Variants in PRPF6 observed in about 807,000 individuals in gnomAD.
The protein encoded by PRPF6 is pre-mRNA processing factor 6, also known as pre-mRNA-processing factor 6.
Under a neutral mutation model 118.3 loss-of-function variants are expected in PRPF6, and 42 were observed. That is an observed-to-expected ratio of 0.35 (90% CI 0.28 to 0.46). The LOEUF is 0.46. PRPF6 is among the 20% of genes least tolerant of loss of function. The pLI, the probability that PRPF6 is intolerant of heterozygous loss-of-function variation, is 1.00. For synonymous variants in PRPF6, 481 were observed against 485.1 expected (o/e 0.99, Z 0.11); for missense variants, 662 against 1,255.7 (o/e 0.53, Z 7.15).
At chr20:63,993,222 A>C (rs1239763443) in intron 3 of PRPF6, among the ~76,000 whole-genome samples, 185 bp from the exon 4 acceptor site, 6 of 122,190 alleles carry the variant, frequency 4.9e-5, no homozygotes, top group South Asian at 3.1e-4. Context: ...TCTCAAAAAA[A>C]AAAATGTGTG....
At position 64,027,070 on chromosome 20, in the gene PRPF6, A is replaced by C. The variant is rs1349676454; in HGVS notation, c.2117A>C (p.Glu706Ala). The C allele has an allele frequency of 1.2e-6, 2 of 1,613,960 alleles. No homozygotes were observed. The part of the protein sequence containing the change: ...DLCEEALRHY[E>A]DFPKLWMMKG... ...TGCGAGGAGGCCCTGCGGCACTATG[A>C]GGACTTCCCCAAGCTGTGGATGATG... The change falls in exon 16 of 21, where the codon GAG becomes GCG. Residue 706 changes from glutamate (E) to alanine (A), a missense_variant. Physicochemically the swap from Glu to Ala is moderately radical, Grantham distance 107 (BLOSUM62 -1). Coordinates refer to ENST00000266079, the MANE Select transcript of PRPF6 (RefSeq NM_012469.4). The surrounding 1 kb of genome is among the most constrained non-coding windows in gnomAD (Gnocchi z 6.5).
At chr20:64,016,389 G>GACCACAC (rs1466168049) in intron 11 of PRPF6, among the ~76,000 whole-genome samples, 1 of 152,120 alleles carries the variant, frequency 6.6e-6, no homozygotes, top group Non-Finnish European at 1.5e-5. Flanking sequence ...CTCCCAAAGT[G>GACCACAC]CTGGGATTAC....
At chr20:64,018,192 T>C (rs1419079593) in intron 12 of PRPF6, among the ~76,000 whole-genome samples, 1 of 152,028 alleles carries the variant, frequency 6.6e-6, no homozygotes, top group Non-Finnish European at 1.5e-5. Context: ...AGACCCTATC[T>C]CAAAAAAAGA....
In PRPF6 at chr20:64,027,374, A is replaced by G. The variant is rs1007522028; in HGVS notation, c.2205+216A>G. 2.6e-5 allele frequency among the ~76,000 whole-genome samples: 4 copies of G among 152,078 alleles called. No homozygotes were observed. Among genetic ancestry groups the G allele is most frequent in the Non-Finnish European group, 5.9e-5 (4 of 68,002 alleles). On this transcript the variant is annotated intron_variant, in intron 16 of 20. Coordinates refer to ENST00000266079, the MANE Select transcript of PRPF6 (RefSeq NM_012469.4). The surrounding 1 kb of genome is among the most constrained non-coding windows in gnomAD (Gnocchi z 6.5). The stretch of plus-strand genomic sequence containing the variant: ...CTGCACACACTGCTCAGAAGTGCAG[A>G]GTGTGGCACACCTGCAGTAAAGGCT...
intron 11 of PRPF6, among the ~76,000 whole-genome samples, chr20:64,013,704 T>G (rs1018310738): frequency 6.6e-6 from 1 of 152,088 alleles, no homozygotes; most frequent in Non-Finnish European, 1.5e-5. Context: ...CCTCCCAAAG[T>G]GTTGAGATTA....
At chr20:64,025,805 G>T (rs920644607) in intron 14 of PRPF6, 134 bp from the exon 15 acceptor site, 2 of 1,516,804 alleles carry the variant, frequency 1.3e-6, no homozygotes, top group East Asian at 4.5e-5. Flanking sequence ...TCCCTGGGAA[G>T]GGCTTGGACC....
Position 64,028,654 on chromosome 20 carries a change from G to T in PRPF6, c.2431+85G>T. The T allele has an allele frequency of 6.7e-7, 1 of 1,485,068 alleles. No individual in the cohort carries two copies. Among genetic ancestry groups the T allele is most frequent in the Non-Finnish European group, 9.2e-7 (1 of 1,084,478 alleles). The allele number at this position is 1,485,068 out of a possible 1,614,324, so 92.0% of individuals were successfully genotyped here. On this transcript the variant is annotated intron_variant, in intron 18 of 20. Coordinates refer to ENST00000266079, the MANE Select transcript of PRPF6 (RefSeq NM_012469.4). The surrounding 1 kb of genome is among the most constrained non-coding windows in gnomAD (Gnocchi z 6.5). ...GACTCCGGTAAGGGGGTGCTTCCTG[G>T]CTTCCCAGACTCCGCAGGGCTGGCA... is the stretch of plus-strand genomic sequence containing the variant.
intron 12 of PRPF6, among the ~76,000 whole-genome samples, chr20:64,019,172 C>T (rs1355503157): frequency 3.4e-5 from 5 of 146,774 alleles, no homozygotes; most frequent in Non-Finnish European, 7.4e-5. Context: ...GATCTTGGCT[C>T]ACTGCAACCT....
intron 9 of PRPF6, among the ~76,000 whole-genome samples, chr20:64,002,681 T>C (rs2059173211): frequency 6.8e-6 from 1 of 147,378 alleles, no homozygotes; most frequent in African/African-American, 2.5e-5. Context: ...TCTCACTTTG[T>C]CCCCCAGGCT....
intron 9 of PRPF6, among the ~76,000 whole-genome samples, chr20:64,009,042 C>T (rs530363283): frequency 9.2e-5 from 14 of 151,784 alleles, no homozygotes; most frequent in Middle Eastern, 3.4e-3. Context: ...CCCAGCACTT[C>T]GGGAGGCCGA....
intron 9 of PRPF6, among the ~76,000 whole-genome samples, chr20:64,005,890 A>C (rs762121762): frequency 1.3e-5 from 2 of 151,982 alleles, no homozygotes; most frequent in African/African-American, 4.8e-5. Context: ...ACATACCACC[A>C]TGCCTGGCTG....
At chr20:63,982,748 C>T (rs192894905) in intron 1 of PRPF6, among the ~76,000 whole-genome samples, 4 of 152,166 alleles carry the variant, frequency 2.6e-5, no homozygotes, top group Admixed American at 2.0e-4. Flanking sequence ...AAGGTGGGCA[C>T]GGAAGAGCTC....
chr20:64,010,136 C>A, intron 9 of PRPF6, 64 bp from the exon 10 acceptor site: 1 of 1,379,384 alleles, frequency 7.2e-7, no homozygotes, highest in Non-Finnish European at 1.0e-6. Flanking sequence ...AGCATGCTCA[C>A]CACATGAGCC....
rs2059295424 is a variant in PRPF6, at chr20:64,027,321, T to A, written c.2205+163T>A. 6.6e-6 allele frequency among the ~76,000 whole-genome samples: 1 copy of A among 152,180 alleles called. No homozygotes were observed. Among genetic ancestry groups the A allele is most frequent in the Non-Finnish European group, 1.5e-5 (1 of 68,030 alleles). On this transcript the variant is annotated intron_variant, in intron 16 of 20. Transcript: ENST00000266079. This position sits in a 1 kb window ranked among gnomAD's most constrained non-coding sequence, Gnocchi z 6.5. Reference sequence around the variant, plus strand: ...AGGACCCAAACCCTGGTCCCCTCGCTGAGTTCTGTGCTTTTCCTTATATGA... The same window carrying A: ...AGGACCCAAACCCTGGTCCCCTCGCAGAGTTCTGTGCTTTTCCTTATATGA...
intron 5 of PRPF6, 115 bp downstream of exon 5, chr20:63,995,207 A>C: frequency 1.3e-6 from 2 of 1,577,522 alleles, no homozygotes; most frequent in Non-Finnish European, 1.7e-6. Context: ...GCTGTGGCCG[A>C]GTCTGTCTGC....
chr20:64,001,901 G>GT (rs890955684), intron 9 of PRPF6, among the ~76,000 whole-genome samples: 1 of 151,838 alleles, frequency 6.6e-6, no homozygotes, highest in African/African-American at 2.4e-5. Flanking sequence ...CTGGAAGTGT[G>GT]TAGTAGATGC....
At position 64,027,203 on chromosome 20, in the gene PRPF6, C is replaced by G; in HGVS notation, c.2205+45C>G. ...CTGGGGCTGCAGCTGACCCGGCATT[C>G]ACAAAACTGAGCCCCCTGGTGCAGG... On this transcript the variant is annotated intron_variant, in intron 16 of 20. Coordinates refer to ENST00000266079, the MANE Select transcript of PRPF6 (RefSeq NM_012469.4). This position sits in a 1 kb window ranked among gnomAD's most constrained non-coding sequence, Gnocchi z 6.5. The G allele has an allele frequency of 6.2e-7, 1 of 1,607,464 alleles. No homozygotes were observed. Among genetic ancestry groups the G allele is most frequent in the Non-Finnish European group, 8.5e-7 (1 of 1,177,166 alleles).
intron 14 of PRPF6, among the ~76,000 whole-genome samples, chr20:64,025,574 T>C (rs1373624087): frequency 1.3e-5 from 2 of 152,078 alleles, no homozygotes; most frequent in African/African-American, 2.4e-5. Flanking sequence ...AAGAGCGAGG[T>C]TGCGTGTGAT....
chr20:63,999,269 T>C, intron 7 of PRPF6, 130 bp downstream of exon 7: 1 of 821,590 alleles, frequency 1.2e-6, no homozygotes, highest in South Asian at 1.4e-5. Context: ...TGGAGTAGTT[T>C]GTTTTTTCCA....
Sources: allele counts gnomAD v4.1 joint callset (sites outside exome capture counted in the v4.1 genomes callset), GRCh38; gene constraint gnomAD v4.1.1; non-coding constraint Gnocchi (gnomAD v3.1); transcripts MANE v1.5; gene names NCBI Gene and HGNC (gene_info 2026-07-23, HGNC 2026-07-21).